MYLK: variants seen among roughly 807,000 people sequenced by gnomAD.
MYLK encodes myosin light chain kinase, smooth muscle.
Under a neutral mutation model 203.4 loss-of-function variants are expected in MYLK, and 106 were observed. That is an observed-to-expected ratio of 0.52 (90% confidence interval 0.45 to 0.61). MYLK has a LOEUF of 0.61. MYLK is among the 20% of genes least tolerant of loss of function. The pLI, the probability that MYLK is intolerant of heterozygous loss-of-function variation, is 0.00. For missense variants in MYLK, 2,072 were observed against 2,442.3 expected, an observed-to-expected ratio of 0.85 and a Z score of 3.20; for synonymous variants, 867 against 959.5, an observed-to-expected ratio of 0.90 and a Z score of 1.78.
At chr3:123,827,488 A>T (rs2066158963) in intron 3 of MYLK, among the ~76,000 whole-genome samples, 1 of 151,808 alleles carries the variant, frequency 6.6e-6, no homozygotes, top group African/African-American at 2.4e-5. Context: ...GCCAGGAAAG[A>T]ATAGAATTTA....
At chr3:123,710,241 C>T (rs867568631) in intron 13 of MYLK, among the ~76,000 whole-genome samples, 2 of 149,008 alleles carry the variant, frequency 1.3e-5, no homozygotes, top group African/African-American at 5.0e-5. Context: ...CTCCCTCCCA[C>T]CCCATCCCCC....
intron 4 of MYLK, among the ~76,000 whole-genome samples, chr3:123,789,686 CG>C (rs2064698750): frequency 7.1e-6 from 1 of 141,512 alleles, no homozygotes; most frequent in Non-Finnish European, 1.5e-5. Flanking sequence ...AAAGAAGGAA[CG>C]GAAGGGAAGA....
chr3:123,722,845 C>T (rs1382623782), intron 12 of MYLK, among the ~76,000 whole-genome samples: 19 of 152,102 alleles, frequency 1.2e-4, no homozygotes, highest in Admixed American at 1.2e-3. Context: ...AGGTGCGTTT[C>T]TTCTATGCAA....
intron 20 of MYLK, chr3:123,681,345 AGAGAAACTGGG>A (rs1482832140): frequency 6.6e-6 from 1 of 152,198 alleles, no homozygotes; most frequent in East Asian, 1.9e-4. Context: ...TTTGACTCTA[AGAGAAACTGGG>A]AAGGGCCTTC....
At chr3:123,796,215 T>C (rs2064980519) in intron 3 of MYLK, among the ~76,000 whole-genome samples, 2 of 152,176 alleles carry the variant, frequency 1.3e-5, no homozygotes, top group South Asian at 4.1e-4. Flanking sequence ...GCTCATTTGC[T>C]CCTTACAACA....
At chr3:123,728,339 C>T (rs1317579438) in intron 11 of MYLK, among the ~76,000 whole-genome samples, 1 of 151,918 alleles carries the variant, frequency 6.6e-6, no homozygotes, top group Non-Finnish European at 1.5e-5. Context: ...CTTGTCTCTA[C>T]CAAAAAAAAT....
At chr3:123,876,235 G>A (rs992038969) in intron 2 of MYLK, among the ~76,000 whole-genome samples, 2 of 151,582 alleles carry the variant, frequency 1.3e-5, no homozygotes, top group East Asian at 3.9e-4. Context: ...ATTCCAGGAA[G>A]GCAAGAATGC....
intron 2 of MYLK, among the ~76,000 whole-genome samples, chr3:123,839,283 A>G (rs1263391471): frequency 6.6e-6 from 1 of 152,206 alleles, no homozygotes; most frequent in Non-Finnish European, 1.5e-5. Context: ...ATAAAAAAGT[A>G]AGACCCAGTT....
At chr3:123,735,308 G>T in intron 9 of MYLK, 90 bp downstream of exon 9, 1 of 1,532,954 alleles carries the variant, frequency 6.5e-7, no homozygotes, top group South Asian at 1.1e-5. Flanking sequence ...TGCCCCATAA[G>T]ATGATTCAGA....
intron 2 of MYLK, among the ~76,000 whole-genome samples, chr3:123,837,651 T>C (rs2066506746): frequency 6.6e-6 from 1 of 151,990 alleles, no homozygotes; most frequent in East Asian, 1.9e-4. Context: ...TCAATGAATT[T>C]AGTGCACTTG....
At chr3:123,794,554 C>T (rs1487215280) in intron 3 of MYLK, among the ~76,000 whole-genome samples, 1 of 152,156 alleles carries the variant, frequency 6.6e-6, no homozygotes, top group Non-Finnish European at 1.5e-5. Context: ...GGGTAAGTCA[C>T]TTGCCCCAGG....
At chr3:123,693,331 C>T (rs912273352) in intron 18 of MYLK, among the ~76,000 whole-genome samples, 1 of 152,146 alleles carries the variant, frequency 6.6e-6, no homozygotes, top group African/African-American at 2.4e-5. Context: ...GAAAAGGGAG[C>T]TTTGAAGCTT....
chr3:123,739,012 TC>T lies in MYLK; in HGVS notation c.472del (p.Glu158SerfsTer79), dbSNP rs770373926. 1.9e-6 allele frequency: 3 copies of T among 1,613,576 alleles called. No individual in the cohort carries two copies. Among genetic ancestry groups the T allele is most frequent in the Non-Finnish European group, 2.5e-6 (3 of 1,179,854 alleles). On this transcript the variant is annotated frameshift_variant, in exon 7 of 34. Coordinates refer to ENST00000360304, the MANE Select transcript of MYLK (RefSeq NM_053025.4). LOFTEE classifies it high-confidence loss of function. ...AVETRPSIWG[E>X]CPPKFATKLG... Reference sequence around the variant, plus strand: ...CTTGGTAGCAAACTTTGGTGGGCACTCCCCCCAGATGCTAGGACGGGTCTCC... The same window carrying T: ...CTTGGTAGCAAACTTTGGTGGGCACTCCCCCAGATGCTAGGACGGGTCTCC...
chr3:123,825,736 G>C (rs946770271), intron 3 of MYLK, among the ~76,000 whole-genome samples: 3 of 152,220 alleles, frequency 2.0e-5, no homozygotes, highest in African/African-American at 7.2e-5. Flanking sequence ...TTATGTGGGT[G>C]GCTGTAGCCA....
intron 18 of MYLK, among the ~76,000 whole-genome samples, chr3:123,698,129 A>G (rs55778604): frequency 0.1 from 15,643 of 152,172 alleles, 907 homozygotes; most frequent in South Asian, 0.16. Flanking sequence ...ATGCAAGCCC[A>G]AGAACAGCTG....
At chr3:123,807,410 T>C (rs1043170529) in intron 3 of MYLK, among the ~76,000 whole-genome samples, 1 of 151,328 alleles carries the variant, frequency 6.6e-6, no homozygotes, top group Non-Finnish European at 1.5e-5. Flanking sequence ...GCCTGGGCAA[T>C]GGAGTGAAAC....
At chr3:123,697,185 T>A (rs1337262149) in intron 18 of MYLK, among the ~76,000 whole-genome samples, 1 of 152,234 alleles carries the variant, frequency 6.6e-6, no homozygotes, top group Non-Finnish European at 1.5e-5. Flanking sequence ...AGGGACCTGC[T>A]TAAATGGTGA....
chr3:123,632,828 G>A (rs963613732), intron 29 of MYLK, among the ~76,000 whole-genome samples: 5 of 132,532 alleles, frequency 3.8e-5, no homozygotes, highest in Non-Finnish European at 7.7e-5. Flanking sequence ...TTTTTGAGAT[G>A]CGGTCTTGTT....
At chr3:123,840,544 C>T (rs1335355467) in intron 2 of MYLK, among the ~76,000 whole-genome samples, 1 of 150,674 alleles carries the variant, frequency 6.6e-6, no homozygotes, top group East Asian at 1.9e-4. Context: ...TAGAGAACCT[C>T]AATTAAAGAA....
Sources: gnomAD v4.1 joint callset for allele counts (sites outside exome capture counted in the v4.1 genomes callset) on GRCh38, gnomAD v4.1.1 for gene constraint, MANE v1.5 for transcripts, NCBI Gene and HGNC (gene_info 2026-07-23, HGNC 2026-07-21) for gene names.